KYNU: variants seen among roughly 807,000 people sequenced by gnomAD.
KYNU encodes L-kynurenine hydrolase.
In KYNU, 54 loss-of-function variants were observed where a neutral mutation model predicts 59.2. That is an observed-to-expected ratio of 0.91 (90% CI 0.73 to 1.14). The LOEUF (loss-of-function observed/expected upper bound fraction) is 1.14. Among genes scored for constraint, KYNU ranks in the 50% most tolerant of loss-of-function variants. The pLI is 0.00. For missense variants in KYNU, 567 were observed against 554.4 expected, an observed-to-expected ratio of 1.02 and a Z score of -0.23; for synonymous variants, 177 against 192.0, an observed-to-expected ratio of 0.92 and a Z score of 0.65.
rs72349700 is a variant in KYNU at position 143,013,298 on chromosome 2, C to CTCTGTGTGTGTGTGTGTGTG, written c.903-16328_903-16327insCTGTGTGTGTGTGTGTGTGT. 2.6e-3 allele frequency among the ~76,000 whole-genome samples: 387 copies of CTCTGTGTGTGTGTGTGTGTG among 149,562 alleles called. 2 individuals carry two copies. The highest frequency in any genetic ancestry group is 8.8e-3 in the African/African-American group (357 of 40,570). ...TCTCTCTGTTTCTCTGTCTCTTTCT[C>CTCTGTGTGTGTGTGTGTGTG]TGTGTGTGTGTGTGTGTGTGTCCAT... On this transcript the variant is annotated intron_variant, in intron 10 of 13. Coordinates refer to ENST00000264170, the MANE Select transcript of KYNU (RefSeq NM_003937.3).
chr2:143,014,713 G>C (rs1412709291), intron 10 of KYNU, among the ~76,000 whole-genome samples: 1 of 152,188 alleles, frequency 6.6e-6, no homozygotes, highest in African/African-American at 2.4e-5. Context: ...ATTTATAAAT[G>C]ATGAGCAAAA....
At chr2:142,898,631 T>G (rs1681964878) in intron 2 of KYNU, among the ~76,000 whole-genome samples, 1 of 152,176 alleles carries the variant, frequency 6.6e-6, no homozygotes, top group African/African-American at 2.4e-5. Context: ...ATGGAAAGAA[T>G]TTTTAAATTT....
At chr2:142,915,869 T>C (rs1682652353) in intron 2 of KYNU, among the ~76,000 whole-genome samples, 1 of 152,158 alleles carries the variant, frequency 6.6e-6, no homozygotes. Flanking sequence ...TTCCTAATAC[T>C]GTCCTTACAG....
Position 142,956,972 on chromosome 2 carries a change from G to C in KYNU, c.508-669G>C, listed in dbSNP as rs1022331801. On this transcript the variant is annotated intron_variant, in intron 6 of 13. Coordinates refer to ENST00000264170, the MANE Select transcript of KYNU (RefSeq NM_003937.3). The stretch of plus-strand genomic sequence containing the variant: ...AGCCTGGGCAATATAGTGAGACCTC[G>C]TCTCTATAAAGTAAATAATAAATAA... Among the ~76,000 whole-genome samples, 4 of 152,086 alleles carry C rather than the reference G, an allele frequency of 2.6e-5. No homozygotes were observed. In the South Asian group the frequency reaches 8.3e-4, roughly 32 times the overall value.
chr2:142,939,711 A>T (rs1220192348), intron 4 of KYNU, among the ~76,000 whole-genome samples: 5 of 152,138 alleles, frequency 3.3e-5, no homozygotes, highest in Admixed American at 3.3e-4. Context: ...TGAAAAAAAA[A>T]TTAACAAACA....
chr2:142,988,997 T>G (rs780393084), intron 10 of KYNU: 22 of 948,932 alleles, frequency 2.3e-5, no homozygotes, highest in Non-Finnish European at 3.2e-5. Context: ...TTTACTTTTT[T>G]ATTCACCTGA....
At chr2:142,961,321 C>T (rs1457905814) in intron 8 of KYNU, among the ~76,000 whole-genome samples, 2 of 135,012 alleles carry the variant, frequency 1.5e-5, no homozygotes, top group Non-Finnish European at 3.1e-5. Context: ...GGTCTCACCT[C>T]CTTAGTAGCA....
At position 142,985,099 on chromosome 2, in the gene KYNU, T is replaced by C. The variant is rs1356361964; in HGVS notation, c.745T>C (p.Phe249Leu). ...TCTTCCCTAGGGTTGTTATGTTGGC[T>C]TTGATCTAGCACATGCAGTTGGAAA... ...AGQAKGCYVG[F>L]DLAHAVGNVE... The change falls in exon 9 of 14, where the codon TTT (phenylalanine) becomes CTT (leucine). Residue 249 changes from phenylalanine (F) to leucine (L), a missense_variant. By Grantham distance (22) the Phe-to-Leu change is conservative (BLOSUM62 0). Coordinates refer to ENST00000264170, the MANE Select transcript of KYNU (RefSeq NM_003937.3). 1 of 1,608,376 alleles carries C rather than the reference T, an allele frequency of 6.2e-7. No individual in the cohort carries two copies. The highest frequency in any genetic ancestry group is 2.2e-5 in the East Asian group (1 of 44,794).
At chr2:143,016,870 T>C (rs1014540800) in intron 10 of KYNU, among the ~76,000 whole-genome samples, 2 of 152,112 alleles carry the variant, frequency 1.3e-5, no homozygotes, top group Non-Finnish European at 2.9e-5. Context: ...TACCAGTAGT[T>C]TTTCAATTCT....
chr2:142,943,112 T>C (rs1484325203), intron 4 of KYNU, among the ~76,000 whole-genome samples: 1 of 152,212 alleles, frequency 6.6e-6, no homozygotes, highest in East Asian at 1.9e-4. Flanking sequence ...TCCCTGGCAC[T>C]GGCTGCAACC....
At chr2:142,918,105 G>A (rs1424392064) in intron 2 of KYNU, among the ~76,000 whole-genome samples, 1 of 152,086 alleles carries the variant, frequency 6.6e-6, no homozygotes, top group Non-Finnish European at 1.5e-5. Context: ...CTATGTGTAC[G>A]TGTGTATGGA....
chr2:142,947,308 T>C, intron 4 of KYNU: 2 of 1,308,686 alleles, frequency 1.5e-6, no homozygotes, highest in South Asian at 2.9e-5. Flanking sequence ...CACACCTGTG[T>C]CATAGAAGCA....
rs983447123 is a variant in KYNU at position 143,044,294 on chromosome 2, A to T, written c.*2122A>T. On this transcript the variant is annotated 3_prime_UTR_variant, in exon 14 of 14. Transcript: ENST00000264170. ...TATTGTGAATAGTGCTGCAATGAACATATGTGTGCATGTGTCTTTATAGTA... is the reference window on the plus strand; with the variant it reads ...TATTGTGAATAGTGCTGCAATGAACTTATGTGTGCATGTGTCTTTATAGTA... The T allele has an allele frequency of 6.6e-6, 1 of 152,180 alleles. No homozygotes were observed. Among genetic ancestry groups the T allele is most frequent in the Non-Finnish European group, 1.5e-5 (1 of 68,020 alleles). The allele number at this position is 152,180 out of a possible 1,614,324, so 9.4% of individuals were successfully genotyped here.
chr2:142,879,037 G>A (rs980289903), intron 1 of KYNU, among the ~76,000 whole-genome samples: 4 of 152,168 alleles, frequency 2.6e-5, no homozygotes, highest in Admixed American at 2.6e-4. Flanking sequence ...ATATGTAAAA[G>A]TTGAAGTTTT....
rs1687170795 is a variant in KYNU, at chr2:143,046,775, T to G, written c.*4603T>G. 1 of 152,006 alleles carries G rather than the reference T, an allele frequency of 6.6e-6. No homozygotes were observed. Among genetic ancestry groups the G allele is most frequent in the Admixed American group, 6.6e-5 (1 of 15,236 alleles). The allele number at this position is 152,006 out of a possible 1,614,324, so 9.4% of individuals were successfully genotyped here. On this transcript the variant is annotated 3_prime_UTR_variant, in exon 14 of 14. Coordinates refer to ENST00000264170, the MANE Select transcript of KYNU (RefSeq NM_003937.3). ...ATTGTCCTGGTTATCCTGGGCCCCC[T>G]ACTTTTTTTATATTTTTGAATACAT...
chr2:142,976,940 C>G (rs926159825), intron 8 of KYNU, among the ~76,000 whole-genome samples: 2 of 152,054 alleles, frequency 1.3e-5, no homozygotes, highest in African/African-American at 4.8e-5. Flanking sequence ...TTTTTGGTAA[C>G]TGGTTGAAAG....
intron 8 of KYNU, chr2:142,971,497 C>T (rs1045764448): frequency 6.6e-6 from 1 of 152,170 alleles, no homozygotes; most frequent in African/African-American, 2.4e-5. Context: ...TATCTGTCTT[C>T]CTGCTATACT....
chr2:142,883,364 T>A (rs1304151084), intron 1 of KYNU, among the ~76,000 whole-genome samples: 2 of 151,586 alleles, frequency 1.3e-5, no homozygotes, highest in Non-Finnish European at 2.9e-5. Context: ...ACGGCTAATT[T>A]TTTTTTTGTA....
chr2:142,967,737 G>A (rs1412565894), intron 8 of KYNU, among the ~76,000 whole-genome samples: 1 of 152,046 alleles, frequency 6.6e-6, no homozygotes, highest in Non-Finnish European at 1.5e-5. Context: ...GAGTGATCAA[G>A]CCTCAAATTT....
Sources: gnomAD v4.1 joint callset for allele counts (sites outside exome capture counted in the v4.1 genomes callset) on GRCh38, gnomAD v4.1.1 for gene constraint, MANE v1.5 for transcripts, NCBI Gene and HGNC (gene_info 2026-07-23, HGNC 2026-07-21) for gene names.